The following RASGRP1 variants were observed in gnomAD, a reference collection of about 807,000 sequenced individuals.
The protein encoded by RASGRP1 is RAS guanyl-releasing protein 1.
RASGRP1 carries 37 observed loss-of-function variants against 95.1 expected under a neutral mutation model. The observed-to-expected ratio is 0.39, with a 90% CI of 0.30 to 0.51. The LOEUF is 0.51. Ranked by LOEUF, RASGRP1 falls within the 20% of genes least tolerant of loss-of-function variation. The probability of loss-of-function intolerance (pLI) is 0.80; values close to 1 mark genes in which losing one functional copy is unlikely to be tolerated. For missense variants in RASGRP1, 711 were observed against 965.4 expected, an observed-to-expected ratio of 0.74 and a Z score of 3.49; for synonymous variants, 325 against 353.4, an observed-to-expected ratio of 0.92 and a Z score of 0.90.
intron 2 of RASGRP1, among the ~76,000 whole-genome samples, chr15:38,534,927 G>A (rs1323129288): frequency 1.3e-5 from 2 of 152,182 alleles, no homozygotes; most frequent in South Asian, 2.1e-4. Context: ...TAGGTACACA[G>A]GAACAGACCT....
intron 6 of RASGRP1, among the ~76,000 whole-genome samples, chr15:38,514,181 T>C (rs1010361482): frequency 6.6e-6 from 1 of 152,098 alleles, no homozygotes; most frequent in African/African-American, 2.4e-5. Context: ...AATATATAGA[T>C]GAGAAGTCAC....
At chr15:38,528,623 A>C (rs1892323849) in intron 2 of RASGRP1, among the ~76,000 whole-genome samples, 1 of 152,004 alleles carries the variant, frequency 6.6e-6, no homozygotes, top group African/African-American at 2.4e-5. Flanking sequence ...CTAAGCTTTT[A>C]AATGTCAGCA....
chr15:38,526,846 A>G (rs1032572156), intron 2 of RASGRP1, among the ~76,000 whole-genome samples: 2 of 152,176 alleles, frequency 1.3e-5, no homozygotes, highest in Non-Finnish European at 2.9e-5. Context: ...ACAAATGACC[A>G]TATGAATACA....
At position 38,498,841 on chromosome 15, in the gene RASGRP1, C is replaced by G; in HGVS notation, c.1826G>C (p.Gly609Ala). The G allele has an allele frequency of 6.2e-7, 1 of 1,613,806 alleles. No individual in the cohort carries two copies. The highest frequency in any genetic ancestry group is 8.5e-7 in the Non-Finnish European group (1 of 1,179,876). The change falls in exon 15 of 17, where the codon GGG becomes GCG. Residue 609 changes from glycine to alanine, a missense_variant. Coordinates refer to ENST00000310803, the MANE Select transcript of RASGRP1 (RefSeq NM_005739.4). ...CAATGAGCAAAGGTTGGACACTGGC[C>G]CCACAGAAGTGTTGTTCTCTGTGGG... ...VAPTENNTSV[G>A]PVSNLCSLGA... is the part of the protein sequence containing the mutation.
chr15:38,512,694 C>T, intron 7 of RASGRP1, 89 bp downstream of exon 7: 1 of 1,511,002 alleles, frequency 6.6e-7, no homozygotes, highest in Non-Finnish European at 9.0e-7. Flanking sequence ...AGGGAAAAAA[C>T]AGCTCTAATT....
At chr15:38,517,397 T>C (rs1041177915) in intron 5 of RASGRP1, among the ~76,000 whole-genome samples, 1 of 152,196 alleles carries the variant, frequency 6.6e-6, no homozygotes, top group African/African-American at 2.4e-5. Flanking sequence ...CTCTTATCTT[T>C]CAAGTTGTGT....
In RASGRP1 at chr15:38,494,229, C is replaced by A. The variant is rs79137934; in HGVS notation, c.2259+153G>T. On this transcript the variant is annotated intron_variant, in intron 16 of 16. Coordinates refer to ENST00000310803, the MANE Select transcript of RASGRP1 (RefSeq NM_005739.4). ...CTTCCTTCCCTCCCTCTCTTCCTCC[C>A]TGTTTCTCCCTCCCTGTTTCTCCCC... The A allele has an allele frequency of 2.0e-3, 2,052 of 1,001,082 alleles. 33 individuals carry two copies. In the African/African-American group the frequency reaches 0.028, roughly 13 times the overall value. The allele number at this position is 1,001,082 out of a possible 1,614,324, so 62.0% of individuals were successfully genotyped here.
At chr15:38,554,349 A>T (rs545231111) in intron 2 of RASGRP1, among the ~76,000 whole-genome samples, 50 of 152,318 alleles carry the variant, frequency 3.3e-4, no homozygotes, top group African/African-American at 1.1e-3. Flanking sequence ...AAGGCTCAGG[A>T]TCCTACAGAG....
intron 8 of RASGRP1, among the ~76,000 whole-genome samples, chr15:38,511,392 ACTGT>A (rs1011634165): frequency 5.9e-5 from 9 of 152,316 alleles, no homozygotes; most frequent in African/African-American, 9.6e-5. Flanking sequence ...TTGCAGTGAC[ACTGT>A]CTGAGGCCAG....
At chr15:38,523,921 A>C (rs1892094126) in intron 3 of RASGRP1, 1 of 152,422 alleles carries the variant, frequency 6.6e-6, no homozygotes, top group South Asian at 2.1e-4. Context: ...ACACAATGAC[A>C]GAGTCGCCCA....
chr15:38,526,922 T>G (rs1892247413), intron 2 of RASGRP1, among the ~76,000 whole-genome samples: 2 of 152,248 alleles, frequency 1.3e-5, no homozygotes, highest in Non-Finnish European at 2.9e-5. Flanking sequence ...AATATATGCT[T>G]CTCCAGTTTT....
intron 3 of RASGRP1, among the ~76,000 whole-genome samples, chr15:38,523,515 T>C (rs1595856439): frequency 1.3e-5 from 2 of 152,324 alleles, no homozygotes; most frequent in Non-Finnish European, 2.9e-5. Context: ...AGCTAAATTA[T>C]TATTGAAGAA....
intron 3 of RASGRP1, chr15:38,523,943 C>T (rs924767906): frequency 2.6e-5 from 4 of 152,370 alleles, no homozygotes; most frequent in Non-Finnish European, 4.4e-5. Flanking sequence ...TGATGTATTT[C>T]TCAGAATGTG....
chr15:38,556,496 T>C (rs1161780975), intron 2 of RASGRP1, among the ~76,000 whole-genome samples: 1 of 152,240 alleles, frequency 6.6e-6, no homozygotes, highest in Non-Finnish European at 1.5e-5. Flanking sequence ...ACTCAGACTC[T>C]TATCTAGAAA....
chr15:38,534,885 G>A (rs1415043875), intron 2 of RASGRP1, among the ~76,000 whole-genome samples: 1 of 152,236 alleles, frequency 6.6e-6, no homozygotes, highest in African/African-American at 2.4e-5. Context: ...AGAGCAGGAA[G>A]GAGGAGCAGG....
intron 12 of RASGRP1, 70 bp downstream of exon 12, chr15:38,502,242 A>G: frequency 9.2e-7 from 1 of 1,085,794 alleles, no homozygotes; most frequent in South Asian, 1.4e-5. Context: ...AAATTCTTCT[A>G]GTGACATACC....
chr15:38,560,681 AGATATTGTTTTTCATGGTT>A (rs1400973648), intron 1 of RASGRP1, among the ~76,000 whole-genome samples: 1 of 152,166 alleles, frequency 6.6e-6, no homozygotes, highest in Non-Finnish European at 1.5e-5. Context: ...GTTGGTTTTA[AGATATTGTTTTTCATGGTT>A]GATAATACAG....
At chr15:38,513,834 A>G (rs773790408) in intron 6 of RASGRP1, among the ~76,000 whole-genome samples, 3 of 151,864 alleles carry the variant, frequency 2.0e-5, no homozygotes, top group African/African-American at 7.3e-5. Flanking sequence ...TCCCTTCTCA[A>G]CTCTTCCCTT....
intron 1 of RASGRP1, among the ~76,000 whole-genome samples, chr15:38,561,991 A>G (rs1480513063): frequency 6.6e-6 from 1 of 152,190 alleles, no homozygotes; most frequent in Non-Finnish European, 1.5e-5. Flanking sequence ...TGTTATCCCC[A>G]TCTCATGACA....
Sources: allele counts gnomAD v4.1 joint callset (sites outside exome capture counted in the v4.1 genomes callset), GRCh38; gene constraint gnomAD v4.1.1; transcripts MANE v1.5; gene names NCBI Gene and HGNC (gene_info 2026-07-23, HGNC 2026-07-21).